Variants in PPFIA2 observed in about 807,000 individuals in gnomAD.
PPFIA2 encodes the protein liprin-alpha-2.
PPFIA2 carries 46 observed loss-of-function variants against 175.5 expected under a neutral mutation model. The ratio of observed to expected loss-of-function variants is 0.26; its 90% CI spans 0.21 to 0.34. The LOEUF (loss-of-function observed/expected upper bound fraction) is 0.34. Among genes scored for constraint, PPFIA2 ranks in the 10% least tolerant of loss-of-function variants. The probability of loss-of-function intolerance (pLI) is 1.00; values close to 1 mark genes in which losing one functional copy is unlikely to be tolerated. For missense variants in PPFIA2, 1,179 were observed against 1,506.1 expected (o/e 0.78, Z 3.60); for synonymous variants, 568 against 511.4 (o/e 1.11, Z -1.49).
intron 3 of PPFIA2, among the ~76,000 whole-genome samples, chr12:81,686,888 CA>C (rs1202391146): frequency 5.9e-5 from 9 of 151,986 alleles, no homozygotes; most frequent in Admixed American, 2.6e-4. Context: ...TGGCTTTTTC[CA>C]AAACAGTGTC....
chr12:81,487,796 G>T (rs1459025504), intron 4 of PPFIA2, among the ~76,000 whole-genome samples: 1 of 151,738 alleles, frequency 6.6e-6, no homozygotes, highest in Admixed American at 6.6e-5. Context: ...TGGCCATTGT[G>T]ATATCTGAAA....
intron 7 of PPFIA2, among the ~76,000 whole-genome samples, chr12:81,410,054 T>A (rs982111669): frequency 6.6e-6 from 1 of 152,044 alleles, no homozygotes; most frequent in Non-Finnish European, 1.5e-5. Context: ...ACTAGCTAAT[T>A]AAGCCTTTTG....
chr12:81,434,138 G>A (rs981229193), intron 7 of PPFIA2, among the ~76,000 whole-genome samples: 1 of 152,066 alleles, frequency 6.6e-6, no homozygotes, highest in African/African-American at 2.4e-5. Flanking sequence ...AGGCAGAGCA[G>A]TAGGGGTGGT....
At chr12:81,556,362 G>T (rs1421077707) in intron 4 of PPFIA2, among the ~76,000 whole-genome samples, 1 of 151,624 alleles carries the variant, frequency 6.6e-6, no homozygotes, top group Admixed American at 6.6e-5. Flanking sequence ...GGTTTATTGG[G>T]GTCCTAACAT....
In PPFIA2 at chr12:81,712,223, T is replaced by C. The variant is rs181963424; in HGVS notation, c.250-35379A>G. 8.7e-4 allele frequency among the ~76,000 whole-genome samples: 132 copies of C among 151,434 alleles called. 3 individuals are homozygous for C. The highest frequency in any genetic ancestry group is 3.1e-3 in the African/African-American group (127 of 41,546). ...AAATTTGAGTTTCACATAACATTGGTCTCATTTTCATCCTGAATTTTAAAC... is the reference window on the plus strand; with the variant it reads ...AAATTTGAGTTTCACATAACATTGGCCTCATTTTCATCCTGAATTTTAAAC... On this transcript the variant is annotated intron_variant, in intron 3 of 32. Coordinates refer to ENST00000549396, the MANE Select transcript of PPFIA2 (RefSeq NM_003625.5).
chr12:81,627,834 C>G (rs1191688183), intron 4 of PPFIA2, among the ~76,000 whole-genome samples: 2 of 151,808 alleles, frequency 1.3e-5, no homozygotes, highest in African/African-American at 4.8e-5. Flanking sequence ...GTCTTTTTTT[C>G]CATCTAGTAA....
At chr12:81,512,301 C>T (rs1183320895) in intron 4 of PPFIA2, 1 of 1,288,520 alleles carries the variant, frequency 7.8e-7, no homozygotes. Context: ...CCTGGTCGGC[C>T]TCTGGCTCTC....
At position 81,387,424 on chromosome 12, in the gene PPFIA2, G is replaced by A. The variant is rs114226692; in HGVS notation, c.763-3180C>T. On this transcript the variant is annotated intron_variant, in intron 8 of 32. Coordinates refer to ENST00000549396, the MANE Select transcript of PPFIA2 (RefSeq NM_003625.5). ...TATAGAAGAATGAGAAGAACAGAAA[G>A]CATCATGAAAGCAGTGAGAAAGATA... Among the ~76,000 whole-genome samples, 519 of 152,122 alleles carry A rather than the reference G, an allele frequency of 3.4e-3. 2 individuals carry two copies. The highest frequency in any genetic ancestry group is 0.012 in the African/African-American group (504 of 41,516).
At chr12:81,288,768 C>T (rs2044119084) in intron 24 of PPFIA2, among the ~76,000 whole-genome samples, 1 of 151,680 alleles carries the variant, frequency 6.6e-6, no homozygotes, top group African/African-American at 2.4e-5. Context: ...TCTCCCTTAT[C>T]TGAATTTTTG....
chr12:81,619,372 T>C (rs1021865904), intron 4 of PPFIA2, among the ~76,000 whole-genome samples: 22 of 152,210 alleles, frequency 1.4e-4, no homozygotes, highest in African/African-American at 4.6e-4. Context: ...TCCACTTAAA[T>C]GCCATAAGAT....
At chr12:81,354,766 T>C (rs12425866) in intron 16 of PPFIA2, among the ~76,000 whole-genome samples, 55,038 of 151,718 alleles carry the variant, frequency 0.36, 11,537 homozygotes, top group African/African-American at 0.57. Flanking sequence ...GCCTCAGCCT[T>C]CAGAGTAGCT....
chr12:81,278,517 G>A (rs2041183598), intron 27 of PPFIA2, among the ~76,000 whole-genome samples: 1 of 138,762 alleles, frequency 7.2e-6, no homozygotes, highest in South Asian at 2.3e-4. Flanking sequence ...TCCACCCTGG[G>A]CAACAGAGTG....
chr12:81,392,865 T>A (rs776246194), intron 8 of PPFIA2, among the ~76,000 whole-genome samples: 1 of 151,974 alleles, frequency 6.6e-6, no homozygotes, highest in East Asian at 1.9e-4. Flanking sequence ...GGTGGAGTCA[T>A]CCTTGAGTTC....
intron 3 of PPFIA2, among the ~76,000 whole-genome samples, chr12:81,750,308 A>C (rs1044281252): frequency 4.2e-5 from 6 of 144,124 alleles, no homozygotes; most frequent in African/African-American, 1.5e-4. Context: ...TAGGAGATGC[A>C]GCAAAGAATT....
chr12:81,693,101 A>G (rs1222617381), intron 3 of PPFIA2, among the ~76,000 whole-genome samples: 2 of 152,118 alleles, frequency 1.3e-5, no homozygotes, highest in Admixed American at 1.3e-4. Flanking sequence ...GAAAATATCT[A>G]TCCAACTCAT....
chr12:81,682,937 C>A (rs1364450758), intron 3 of PPFIA2, among the ~76,000 whole-genome samples: 1 of 152,036 alleles, frequency 6.6e-6, no homozygotes. Flanking sequence ...TTTTGGCTTT[C>A]ATTTATTTTC....
chr12:81,681,041 T>C (rs1446727102), intron 3 of PPFIA2, among the ~76,000 whole-genome samples: 2 of 152,008 alleles, frequency 1.3e-5, no homozygotes, highest in Non-Finnish European at 2.9e-5. Context: ...TTCTTTATGC[T>C]GACTGTGTAA....
At chr12:81,556,983 C>T (rs1042134484) in intron 4 of PPFIA2, among the ~76,000 whole-genome samples, 6 of 151,758 alleles carry the variant, frequency 4.0e-5, no homozygotes, top group Middle Eastern at 3.2e-3. Context: ...TTCTTAACTG[C>T]TGAAAATATT....
intron 4 of PPFIA2, among the ~76,000 whole-genome samples, chr12:81,590,638 T>C (rs1298157404): frequency 1.3e-5 from 2 of 152,022 alleles, no homozygotes; most frequent in African/African-American, 2.4e-5. Flanking sequence ...GGGTGGGTCT[T>C]TCCTGTGCTG....
Sources: gnomAD v4.1 joint callset for allele counts (sites outside exome capture counted in the v4.1 genomes callset) on GRCh38, gnomAD v4.1.1 for gene constraint, MANE v1.5 for transcripts, NCBI Gene and HGNC (gene_info 2026-07-23, HGNC 2026-07-21) for gene names.